NAA16: variants seen among roughly 807,000 people sequenced by gnomAD.
NAA16 encodes the protein N-alpha-acetyltransferase 16, NatA auxiliary subunit.
In NAA16, 97 loss-of-function variants were observed where a neutral mutation model predicts 110.3. The ratio of observed to expected loss-of-function variants is 0.88; its 90% CI spans 0.75 to 1.04. The LOEUF (loss-of-function observed/expected upper bound fraction) is 1.04. Ranked by LOEUF, NAA16 falls within the 50% of genes least tolerant of loss-of-function variation. The probability of loss-of-function intolerance (pLI) is 0.00; values close to 1 mark genes in which losing one functional copy is unlikely to be tolerated. For missense variants in NAA16, 1,017 were observed against 1,005.1 expected (o/e 1.01, Z -0.16); for synonymous variants, 372 against 330.6 (o/e 1.13, Z -1.36).
intron 9 of NAA16, among the ~76,000 whole-genome samples, chr13:41,343,291 T>G (rs1205204032): frequency 6.6e-6 from 1 of 152,064 alleles, no homozygotes; most frequent in Non-Finnish European, 1.5e-5. Flanking sequence ...GGTCTTGCTG[T>G]ATTGTTCACG....
At chr13:41,374,553 CAATGGGATGCTACTG>C (rs971772159) in intron 18 of NAA16, 174 bp from the exon 19 acceptor site, 8 of 467,998 alleles carry the variant, frequency 1.7e-5, no homozygotes. Flanking sequence ...CATGGCCTAT[CAATGGGATGCTACTG>C]AATAGGAGGT....
intron 9 of NAA16, among the ~76,000 whole-genome samples, chr13:41,345,014 C>G (rs542016973): frequency 2.6e-5 from 4 of 152,184 alleles, no homozygotes; most frequent in Non-Finnish European, 5.9e-5. Context: ...GCTTCTTTTA[C>G]TTAATATTTT....
chr13:41,372,943 A>G (rs1435316543), intron 17 of NAA16, 113 bp downstream of exon 17: 10 of 1,212,090 alleles, frequency 8.3e-6, no homozygotes, highest in African/African-American at 4.7e-5. Flanking sequence ...TGTGAAGTAA[A>G]AAGCCCTGAT....
chr13:41,342,628 A>G (rs942971030), intron 9 of NAA16, among the ~76,000 whole-genome samples: 3 of 152,214 alleles, frequency 2.0e-5, no homozygotes, highest in Non-Finnish European at 4.4e-5. Flanking sequence ...AGTATTCACA[A>G]CATCTGTAGC....
In NAA16 at chr13:41,376,087, C is replaced by T. The variant is rs558699124; in HGVS notation, c.*485C>T. ...GGCGGATCACCTGAGGTCAGGAGATCGAGATCAGCCTGGCCAACATGGTGA... is the reference window on the plus strand; with the variant it reads ...GGCGGATCACCTGAGGTCAGGAGATTGAGATCAGCCTGGCCAACATGGTGA... On this transcript the variant is annotated 3_prime_UTR_variant, in exon 20 of 20. Transcript: ENST00000379406. The T allele has an allele frequency of 5.8e-4, 89 of 152,622 alleles. No homozygotes were observed. Among genetic ancestry groups the T allele is most frequent in the Middle Eastern group, 3.4e-3 (1 of 296 alleles). 9.5% of individuals were successfully genotyped at this position (152,622 alleles called of 1,614,324 possible). A position where few individuals can be genotyped will look rare whatever the true frequency, so the allele number is the denominator to read the frequency against.
intron 9 of NAA16, among the ~76,000 whole-genome samples, chr13:41,349,983 C>T (rs1220210056): frequency 1.4e-5 from 2 of 141,940 alleles, no homozygotes; most frequent in South Asian, 4.4e-4. Flanking sequence ...AAAAGTCAAA[C>T]ATGAAACCAA....
intron 3 of NAA16, among the ~76,000 whole-genome samples, chr13:41,320,091 A>ATAG (rs2041910033): frequency 6.6e-6 from 1 of 152,150 alleles, no homozygotes; most frequent in Non-Finnish European, 1.5e-5. Context: ...TGTAAGTATG[A>ATAG]TAGTTTTGTG....
In NAA16 at chr13:41,350,883, C is replaced by T. The variant is rs146451659; in HGVS notation, c.1015-4261C>T. ...TAAGTGATCTGCCTGCCTCAGCCCCCGAAAGTGCTGTGGGATTATTATAGG... is the reference window on the plus strand; with the variant it reads ...TAAGTGATCTGCCTGCCTCAGCCCCTGAAAGTGCTGTGGGATTATTATAGG... On this transcript the variant is annotated intron_variant, in intron 9 of 19. Coordinates refer to ENST00000379406, the MANE Select transcript of NAA16 (RefSeq NM_024561.5). Among the ~76,000 whole-genome samples the T allele has an allele frequency of 3.4e-3, 523 of 152,138 alleles. 5 individuals are homozygous for T. The highest frequency in any genetic ancestry group is 0.011 in the African/African-American group (471 of 41,500).
intron 6 of NAA16, chr13:41,328,029 A>G (rs375139867): frequency 2.6e-4 from 39 of 152,114 alleles, no homozygotes; most frequent in African/African-American, 8.2e-4. Context: ...GGAATGGGTA[A>G]TCTTGAGGGC....
intron 9 of NAA16, among the ~76,000 whole-genome samples, chr13:41,337,405 T>C (rs1035729586): frequency 2.0e-5 from 3 of 151,890 alleles, no homozygotes; most frequent in Non-Finnish European, 4.4e-5. Flanking sequence ...TAGCCGGGCG[T>C]GGTGGTGGGC....
chr13:41,323,505 C>G (rs2042002322), intron 5 of NAA16, among the ~76,000 whole-genome samples: 1 of 151,810 alleles, frequency 6.6e-6, no homozygotes, highest in Non-Finnish European at 1.5e-5. Context: ...CACTCGCCAC[C>G]ACGCCCGGCT....
chr13:41,318,965 C>T (rs2041877813), intron 3 of NAA16, 55 bp downstream of exon 3: 1 of 1,184,764 alleles, frequency 8.4e-7, no homozygotes, highest in Non-Finnish European at 1.2e-6. Context: ...TTTCCTAATT[C>T]AAATTAAATT....
intron 9 of NAA16, among the ~76,000 whole-genome samples, chr13:41,341,380 C>T (rs931595548): frequency 2.6e-5 from 4 of 152,036 alleles, no homozygotes; most frequent in Non-Finnish European, 5.9e-5. Flanking sequence ...TTTAAATGTT[C>T]TGGTAATATG....
chr13:41,311,655 G>A, intron 1 of NAA16, 73 bp downstream of exon 1: 1 of 1,438,096 alleles, frequency 7.0e-7, no homozygotes, highest in South Asian at 1.2e-5. Context: ...GCGGTCTGGC[G>A]GCGGCCGGCG....
chr13:41,373,991 G>T, intron 18 of NAA16: 1 of 670,154 alleles, frequency 1.5e-6, no homozygotes. Context: ...TTTATTCAAA[G>T]GGTTTGTGAT....
chr13:41,369,222 A>T lies in NAA16; in HGVS notation c.1886A>T (p.Asp629Val), dbSNP rs146750895. 4 of 1,595,764 alleles carry T rather than the reference A, an allele frequency of 2.5e-6. No individual in the cohort carries two copies. Among genetic ancestry groups the T allele is most frequent in the South Asian group, 2.3e-5 (2 of 85,962 alleles). Residue 629 changes from aspartate (D) to valine (V), a missense_variant, in exon 15 of 20, where the codon GAT (aspartate) becomes GTT (valine). Transcript: ENST00000379406. Reference protein sequence around the residue: ...RQQKNQKKKRDEEEEEASGLK... With the variant: ...RQQKNQKKKRVEEEEEASGLK... ...CAGAAAAATCAAAAGAAAAAAAGAG[A>T]TGAAGAAGAAGAAGAAGCCAGTGGC...
At chr13:41,372,601 AC>A in intron 16 of NAA16, 130 bp from the exon 17 acceptor site, 1 of 1,331,490 alleles carries the variant, frequency 7.5e-7, no homozygotes, top group Non-Finnish European at 9.6e-7. Flanking sequence ...GCCAGAGTCA[AC>A]TTTAATTTTG....
At chr13:41,332,670 C>T (rs2042271529) in intron 8 of NAA16, among the ~76,000 whole-genome samples, 1 of 152,122 alleles carries the variant, frequency 6.6e-6, no homozygotes, top group African/African-American at 2.4e-5. Flanking sequence ...AAAGCTAATA[C>T]AACTTAAAAG....
At chr13:41,343,905 C>A (rs186664254) in intron 9 of NAA16, among the ~76,000 whole-genome samples, 1 of 152,108 alleles carries the variant, frequency 6.6e-6, no homozygotes, top group Non-Finnish European at 1.5e-5. Flanking sequence ...ATCTTGGACT[C>A]GAGAGATTTG....
Sources: gnomAD v4.1 joint callset for allele counts (sites outside exome capture counted in the v4.1 genomes callset) on GRCh38, gnomAD v4.1.1 for gene constraint, MANE v1.5 for transcripts, NCBI Gene and HGNC (gene_info 2026-07-23, HGNC 2026-07-21) for gene names.